GRIP1: variants seen among roughly 807,000 people sequenced by gnomAD.
GRIP1 encodes glutamate receptor interacting protein 1, also known as glutamate receptor-interacting protein 1.
A neutral mutation model predicts 129.9 loss-of-function variants in GRIP1; 45 were observed. The observed-to-expected ratio is 0.35, with a 90% CI of 0.27 to 0.44. GRIP1 has a LOEUF of 0.44. GRIP1 is among the 20% of genes least tolerant of loss of function. The pLI is 1.00. For synonymous variants in GRIP1, 530 were observed against 520.8 expected, an observed-to-expected ratio of 1.02 and a Z score of -0.24; for missense variants, 1,196 against 1,396.8, an observed-to-expected ratio of 0.86 and a Z score of 2.29.
At chr12:67,055,884 A>T (rs1030287646) in intron 1 of GRIP1, among the ~76,000 whole-genome samples, 4 of 152,192 alleles carry the variant, frequency 2.6e-5, no homozygotes, top group African/African-American at 9.6e-5. Context: ...CAGATATAAC[A>T]AGTGAATGAC....
intron 15 of GRIP1, among the ~76,000 whole-genome samples, chr12:66,418,685 A>T (rs6581685): frequency 1.3e-5 from 2 of 152,046 alleles, no homozygotes; most frequent in African/African-American, 4.8e-5. Flanking sequence ...AACAGGCATA[A>T]GAAAAGATGC....
At chr12:66,585,821 T>C (rs1306585048) in intron 2 of GRIP1, among the ~76,000 whole-genome samples, 4 of 151,920 alleles carry the variant, frequency 2.6e-5, no homozygotes, top group African/African-American at 9.7e-5. Context: ...GGTATCTCAC[T>C]GTGGTTTTGA....
chr12:66,803,635 G>A (rs1392875199), intron 1 of GRIP1, among the ~76,000 whole-genome samples: 4 of 152,162 alleles, frequency 2.6e-5, no homozygotes, highest in African/African-American at 7.2e-5. Flanking sequence ...CTAGAAGTCT[G>A]TATCAGGAGC....
intron 15 of GRIP1, among the ~76,000 whole-genome samples, chr12:66,407,246 C>T (rs2057225973): frequency 2.0e-5 from 3 of 152,102 alleles, no homozygotes; most frequent in Admixed American, 2.0e-4. Flanking sequence ...CACCTCCTGC[C>T]TGTAGCTAGA....
At chr12:67,045,492 G>A (rs1307158555) in intron 1 of GRIP1, among the ~76,000 whole-genome samples, 1 of 152,150 alleles carries the variant, frequency 6.6e-6, no homozygotes, top group Non-Finnish European at 1.5e-5. Flanking sequence ...TTTCCTGTAA[G>A]GGCCATAATG....
chr12:66,495,256 T>C (rs2060203805), intron 7 of GRIP1, among the ~76,000 whole-genome samples: 1 of 152,208 alleles, frequency 6.6e-6, no homozygotes, highest in African/African-American at 2.4e-5. Flanking sequence ...TAAGTTAATG[T>C]TGCTTCTATT....
At chr12:66,684,843 G>A (rs76722561) in intron 1 of GRIP1, among the ~76,000 whole-genome samples, 8,279 of 151,336 alleles carry the variant, frequency 0.055, 247 homozygotes, top group Middle Eastern at 0.082. Flanking sequence ...AGACTCTGTC[G>A]AAATGAAATG....
intron 1 of GRIP1, among the ~76,000 whole-genome samples, chr12:66,770,478 C>A (rs181653582): frequency 3.4e-4 from 52 of 152,268 alleles, no homozygotes; most frequent in Admixed American, 1.8e-3. Context: ...TCAGGTCTTG[C>A]ACATCATGGG....
upstream of GRIP1, among the ~76,000 whole-genome samples, chr12:66,680,387 G>T (rs1258004264): frequency 6.6e-6 from 1 of 152,096 alleles, no homozygotes; most frequent in Non-Finnish European, 1.5e-5. Flanking sequence ...AATAATTTGT[G>T]TGTGAAAAAC....
chr12:66,901,623 G>A (rs1277346959), intron 1 of GRIP1, among the ~76,000 whole-genome samples: 1 of 152,194 alleles, frequency 6.6e-6, no homozygotes, highest in Admixed American at 6.5e-5. Flanking sequence ...AGGAAAGCTG[G>A]GATGTACAGT....
At chr12:66,560,880 G>A (rs2062502385) in intron 2 of GRIP1, among the ~76,000 whole-genome samples, 1 of 152,080 alleles carries the variant, frequency 6.6e-6, no homozygotes, top group East Asian at 1.9e-4. Context: ...AGAAATATCT[G>A]CACTTCCATA....
intron 1 of GRIP1, among the ~76,000 whole-genome samples, chr12:66,703,610 C>G (rs2035428149): frequency 6.6e-6 from 1 of 151,932 alleles, no homozygotes; most frequent in Non-Finnish European, 1.5e-5. Context: ...TGATGGGTGT[C>G]AGGAGAGGAA....
At chr12:66,525,376 C>A (rs771920972) in intron 5 of GRIP1, among the ~76,000 whole-genome samples, 5 of 151,596 alleles carry the variant, frequency 3.3e-5, no homozygotes, top group Non-Finnish European at 4.4e-5. Flanking sequence ...CTGGTTGAAT[C>A]TACACAAATC....
intron 1 of GRIP1, among the ~76,000 whole-genome samples, chr12:66,780,818 G>A (rs1007185553): frequency 2.4e-4 from 37 of 152,160 alleles, no homozygotes; most frequent in African/African-American, 8.9e-4. Context: ...TTGGAACCCA[G>A]CTGTCATACT....
chr12:66,464,737 G>T (rs979515189), intron 8 of GRIP1, among the ~76,000 whole-genome samples: 1 of 152,054 alleles, frequency 6.6e-6, no homozygotes, highest in African/African-American at 2.4e-5. Flanking sequence ...ATCATGGGGT[G>T]GCTGACACAT....
Position 66,582,040 on chromosome 12 carries a change from C to G in GRIP1, c.136+14807G>C, listed in dbSNP as rs917916543. Among the ~76,000 whole-genome samples the G allele has an allele frequency of 5.9e-5, 9 of 152,218 alleles. 1 individual carries two copies. Among genetic ancestry groups the G allele is most frequent in the African/African-American group, 2.2e-4 (9 of 41,528 alleles). ...TGGCAAACTGAATCCAGCAGCACATCAAAAAGCTTATCCACCATGATCAAG... is the reference window on the plus strand; with the variant it reads ...TGGCAAACTGAATCCAGCAGCACATGAAAAAGCTTATCCACCATGATCAAG... On this transcript the variant is annotated intron_variant, in intron 2 of 24. Coordinates refer to ENST00000359742, the MANE Select transcript of GRIP1 (RefSeq NM_001366722.1).
chr12:66,789,862 A>G (rs898189283), intron 1 of GRIP1, among the ~76,000 whole-genome samples: 1 of 152,162 alleles, frequency 6.6e-6, no homozygotes, highest in Non-Finnish European at 1.5e-5. Context: ...CATTTTGATT[A>G]GACCAATTAA....
rs190990076 is a variant in GRIP1 at position 66,790,356 on chromosome 12, T to C, written c.-420+13697A>G. ...ACAGAATACTTTACCTCAAAAAATT[T>C]TAGCCTTGAGGCATCGTAAACTGTC... On this transcript the variant is annotated intron_variant, in intron 1 of 4. Transcript: ENST00000538373. 3.4e-3 allele frequency among the ~76,000 whole-genome samples: 521 copies of C among 152,288 alleles called. 1 individual carries two copies. Among genetic ancestry groups the C allele is most frequent in the Non-Finnish European group, 5.2e-3 (356 of 68,022 alleles).
At chr12:66,594,686 G>A (rs992391512) in intron 2 of GRIP1, among the ~76,000 whole-genome samples, 1 of 151,954 alleles carries the variant, frequency 6.6e-6, no homozygotes, top group Non-Finnish European at 1.5e-5. Context: ...TTGAAGCTCT[G>A]GTAAATAATA....
Sources: allele counts gnomAD v4.1 joint callset (sites outside exome capture counted in the v4.1 genomes callset), GRCh38; gene constraint gnomAD v4.1.1; transcripts MANE v1.5; gene names NCBI Gene and HGNC (gene_info 2026-07-23, HGNC 2026-07-21).